The following STK4 variants were observed in gnomAD, a reference collection of about 807,000 sequenced individuals.
The protein encoded by STK4 is serine/threonine-protein kinase 4.
In STK4, 30 loss-of-function variants were observed where a neutral mutation model predicts 64.9. That is an observed-to-expected ratio of 0.46 (90% CI 0.35 to 0.63). STK4 has a LOEUF of 0.63. STK4 is among the 20% of genes least tolerant of loss of function. The probability of loss-of-function intolerance (pLI) is 0.01; values close to 1 mark genes in which losing one functional copy is unlikely to be tolerated. For synonymous variants in STK4, 177 were observed against 199.0 expected, an observed-to-expected ratio of 0.89 and a Z score of 0.93; for missense variants, 466 against 598.5, an observed-to-expected ratio of 0.78 and a Z score of 2.31.
At chr20:44,986,123 A>G (rs1200386893) in intron 4 of STK4, among the ~76,000 whole-genome samples, 1 of 152,228 alleles carries the variant, frequency 6.6e-6, no homozygotes, top group Non-Finnish European at 1.5e-5. Context: ...AACAAATCAG[A>G]CATTTTTAGG....
At chr20:45,028,552 C>A (rs1017679222) in intron 10 of STK4, among the ~76,000 whole-genome samples, 3 of 152,126 alleles carry the variant, frequency 2.0e-5, no homozygotes, top group Admixed American at 6.6e-5. Context: ...ATCTGGAACA[C>A]CTGGCCTGAA....
chr20:45,043,200 C>T (rs1444334252), intron 10 of STK4, among the ~76,000 whole-genome samples: 2 of 152,126 alleles, frequency 1.3e-5, no homozygotes, highest in Non-Finnish European at 2.9e-5. Context: ...CTTTTTATGG[C>T]TGCATAATAT....
rs2067444204 is a variant in STK4 at position 44,981,776 on chromosome 20, T to A, written c.246-53T>A. On this transcript the variant is annotated intron_variant, in intron 3 of 10. Coordinates refer to ENST00000372806, the MANE Select transcript of STK4 (RefSeq NM_006282.5). ...TTTGTATATACTTGCTAGCATGAAT[T>A]AAGAGATATTTGAAGGCCATTTTAT... is the stretch of plus-strand genomic sequence containing the variant. 2.6e-5 allele frequency: 27 copies of A among 1,035,862 alleles called. No individual in the cohort carries two copies. In the South Asian group the frequency reaches 3.1e-4, roughly 12 times the overall value. The allele number at this position is 1,035,862 out of a possible 1,614,324, so 64.2% of individuals were successfully genotyped here.
intron 10 of STK4, among the ~76,000 whole-genome samples, chr20:45,053,945 C>G (rs1475244713): frequency 6.6e-6 from 1 of 151,830 alleles, no homozygotes; most frequent in African/African-American, 2.4e-5. Flanking sequence ...CCCAGGGAAC[C>G]TCTATCCATG....
At chr20:45,051,131 C>T (rs902019803) in intron 10 of STK4, among the ~76,000 whole-genome samples, 13 of 152,080 alleles carry the variant, frequency 8.5e-5, no homozygotes, top group South Asian at 2.1e-4. Context: ...AACAGAACAC[C>T]GTATTGGTTT....
chr20:44,991,197 G>T (rs1392424237), intron 5 of STK4, among the ~76,000 whole-genome samples: 3 of 152,088 alleles, frequency 2.0e-5, no homozygotes, highest in African/African-American at 7.2e-5. Flanking sequence ...TGGCAACATG[G>T]GTATTTCATT....
At chr20:45,008,322 T>C (rs574179508) in intron 9 of STK4, among the ~76,000 whole-genome samples, 4 of 152,344 alleles carry the variant, frequency 2.6e-5, no homozygotes, top group African/African-American at 9.6e-5. Context: ...CCCAAAGTGC[T>C]GGGATTACAG....
At chr20:45,022,866 A>G (rs2145376081) in intron 9 of STK4, among the ~76,000 whole-genome samples, 1 of 152,310 alleles carries the variant, frequency 6.6e-6, no homozygotes, top group East Asian at 1.9e-4. Flanking sequence ...TTATCTGTGC[A>G]TATATAAAAA....
chr20:45,012,984 A>C (rs568543415), intron 9 of STK4, among the ~76,000 whole-genome samples: 5 of 108,016 alleles, frequency 4.6e-5, no homozygotes, highest in African/African-American at 1.8e-4. Flanking sequence ...TTTTTTATAG[A>C]GATGGGATCT....
In STK4 at chr20:44,972,127, G is replaced by A; in HGVS notation, c.85G>A (p.Val29Ile). The A allele has an allele frequency of 6.2e-7, 1 of 1,613,980 alleles. No individual in the cohort carries two copies. Among genetic ancestry groups the A allele is most frequent in the Non-Finnish European group, 8.5e-7 (1 of 1,179,968 alleles). Residue 29 changes from valine (V) to isoleucine (I), a missense_variant, in exon 2 of 11, where the codon GTA becomes ATA. Physicochemically the swap from Val to Ile is conservative, Grantham distance 29. This residue lies in a region of STK4 where 190 missense variants were observed against 289.7 expected (regional missense o/e 0.66). Coordinates refer to ENST00000372806, the MANE Select transcript of STK4 (RefSeq NM_006282.5). ...EDSLTKQPEE[V>I]FDVLEKLGEG... ...TAGTTTAACCAAACAACCAGAAGAA[G>A]TATTTGATGTCTTAGAGAAACTTGG...
At chr20:45,024,078 T>G (rs1450267952) in intron 9 of STK4, among the ~76,000 whole-genome samples, 1 of 151,824 alleles carries the variant, frequency 6.6e-6, no homozygotes, top group Non-Finnish European at 1.5e-5. Flanking sequence ...TTTTTTGTAT[T>G]TTTAATAGAG....
chr20:44,977,719 CA>C, intron 2 of STK4, among the ~76,000 whole-genome samples: 1 of 152,280 alleles, frequency 6.6e-6, no homozygotes, highest in East Asian at 1.9e-4. Flanking sequence ...TGACTAGATA[CA>C]CAAACTTTAT....
intron 1 of STK4, chr20:44,970,431 A>G (rs1031518479): frequency 2.0e-5 from 3 of 152,158 alleles, no homozygotes; most frequent in Non-Finnish European, 2.9e-5. Context: ...AGCTGTTTAT[A>G]CAACTTTGAT....
chr20:45,003,468 C>A (rs1391079566), intron 9 of STK4, among the ~76,000 whole-genome samples: 2 of 152,116 alleles, frequency 1.3e-5, no homozygotes, highest in Admixed American at 1.3e-4. Flanking sequence ...CTCTAATAGT[C>A]AACACATTTA....
chr20:45,072,777 A>G (rs917977494), intron 10 of STK4, among the ~76,000 whole-genome samples: 2 of 152,254 alleles, frequency 1.3e-5, no homozygotes, highest in African/African-American at 4.8e-5. Flanking sequence ...GAGGTTACAG[A>G]AACAGCTTAT....
chr20:45,001,011 G>T (rs2067828519), intron 8 of STK4, among the ~76,000 whole-genome samples, 156 bp from the exon 9 acceptor site: 1 of 152,158 alleles, frequency 6.6e-6, no homozygotes, highest in African/African-American at 2.4e-5. Flanking sequence ...TGTCTTCTTT[G>T]CTTAAGTAAC....
rs531580912 is a variant in STK4 at position 45,037,780 on chromosome 20, T to C, written c.1305+12650T>C. Among the ~76,000 whole-genome samples the C allele has an allele frequency of 3.4e-4, 52 of 152,286 alleles. 1 individual carries two copies. Among genetic ancestry groups the C allele is most frequent in the African/African-American group, 1.2e-3 (50 of 41,578 alleles). On this transcript the variant is annotated intron_variant, in intron 10 of 10. Transcript: ENST00000372806. ...GTTTTTACAAAGAAGCTTTACTGAA[T>C]TGTCAGAACATAGTCAGTTACTCAT...
At chr20:45,007,728 G>C in intron 9 of STK4, 1 of 386,398 alleles carries the variant, frequency 2.6e-6, no homozygotes, top group Admixed American at 3.1e-5. Context: ...GATGGCTTTT[G>C]TTTGTTCGAA....
chr20:45,007,549 AAAAC>A (rs902424565), intron 9 of STK4, among the ~76,000 whole-genome samples: 2 of 152,042 alleles, frequency 1.3e-5, no homozygotes, highest in Non-Finnish European at 2.9e-5. Context: ...TCCATCTCAA[AAAAC>A]AAACAAACAA....
Sources: allele counts gnomAD v4.1 joint callset (sites outside exome capture counted in the v4.1 genomes callset), GRCh38; gene constraint gnomAD v4.1.1; regional missense constraint gnomAD v4.1.1; transcripts MANE v1.5; gene names NCBI Gene and HGNC (gene_info 2026-07-23, HGNC 2026-07-21).